IL32: variants seen among roughly 807,000 people sequenced by gnomAD.
The protein encoded by IL32 is interleukin-32.
Under a neutral mutation model 16.6 loss-of-function variants are expected in IL32, and 30 were observed. The observed-to-expected ratio is 1.81, with a 90% CI of 1.35 to 2.45. The LOEUF (loss-of-function observed/expected upper bound fraction) is 2.45. Among genes scored for constraint, IL32 ranks in the 30% most tolerant of loss-of-function variants. The pLI is 0.00. For synonymous variants in IL32, 70 were observed against 86.1 expected (o/e 0.81, Z 1.03); for missense variants, 234 against 229.8 (o/e 1.02, Z -0.12).
At position 3,069,416 on chromosome 16, in the gene IL32, G is replaced by A; in HGVS notation, c.*61G>A. 1 of 1,520,478 alleles carries A rather than the reference G, an allele frequency of 6.6e-7. No individual in the cohort carries two copies. Among genetic ancestry groups the A allele is most frequent in the Non-Finnish European group, 8.8e-7 (1 of 1,131,636 alleles). 94.2% of individuals were successfully genotyped at this position (1,520,478 alleles called of 1,614,324 possible). Reference sequence around the variant, plus strand: ...CGCACCCACCCTGACCCCTCCCTCAGCTGTCCTGTGCCCCGCCCTCTCCCG... The same window carrying A: ...CGCACCCACCCTGACCCCTCCCTCAACTGTCCTGTGCCCCGCCCTCTCCCG... On this transcript the variant is annotated 3_prime_UTR_variant, in exon 7 of 7. Transcript: ENST00000525643.
At chr16:3,066,890 T>G (rs1374378137) in intron 2 of IL32, among the ~76,000 whole-genome samples, 1 of 151,542 alleles carries the variant, frequency 6.6e-6, no homozygotes, top group Admixed American at 6.6e-5. Context: ...GGGGGGTGTG[T>G]GTGTGCAGGG....
In IL32 at chr16:3,065,767, C is replaced by G. The variant is rs373647835; in HGVS notation, c.-28-17C>G. ...CTGAGACACTTTCTTTTCCTCACACCTGTTCCTCGCCAGCAGGCCTTGGCT... is the reference window on the plus strand; with the variant it reads ...CTGAGACACTTTCTTTTCCTCACACGTGTTCCTCGCCAGCAGGCCTTGGCT... On this transcript the variant is annotated splice_polypyrimidine_tract_variant and intron_variant, in intron 1 of 6. Transcript: ENST00000525643. The G allele has an allele frequency of 3.1e-6, 5 of 1,613,664 alleles. No individual in the cohort carries two copies. The African/African-American group carries it at 6.7e-5, about 22-fold the overall frequency.
intron 4 of IL32, 77 bp downstream of exon 4, chr16:3,067,690 G>C: frequency 8.6e-7 from 1 of 1,163,250 alleles, no homozygotes; most frequent in Non-Finnish European, 1.3e-6. Flanking sequence ...GGCTCAGGGT[G>C]AGAAGGATGA....
rs372974931 is a variant in IL32 at position 3,067,628 on chromosome 16, C to A, written c.114+15C>A. The A allele has an allele frequency of 2.3e-5, 37 of 1,579,130 alleles. No homozygotes were observed. Among genetic ancestry groups the A allele is most frequent in the Non-Finnish European group, 2.9e-5 (33 of 1,151,634 alleles). On this transcript the variant is annotated intron_variant, in intron 4 of 6. Coordinates refer to ENST00000525643, the MANE Select transcript of IL32 (RefSeq NM_001376923.1). ...GACGTGGACAGGTGGGTGGATTTCCCCTCAGGCACCAGGTCACATGTCCCC... is the reference window on the plus strand; with the variant it reads ...GACGTGGACAGGTGGGTGGATTTCCACTCAGGCACCAGGTCACATGTCCCC...
intron 2 of IL32, 144 bp downstream of exon 2, chr16:3,065,970 G>C: frequency 2.0e-6 from 2 of 1,000,200 alleles, no homozygotes; most frequent in Non-Finnish European, 3.2e-6. Flanking sequence ...GATGGGGTGA[G>C]AGTGTCAGTG....
chr16:3,068,468 G>A, intron 6 of IL32: 1 of 547,638 alleles, frequency 1.8e-6, no homozygotes, highest in Non-Finnish European at 3.3e-6. Context: ...ACCACTCCAG[G>A]CTGATTTTTT....
In IL32 at chr16:3,068,005, CTGGAGGTGAGCCGTGG is replaced by C. The variant is rs752517251; in HGVS notation, c.137_141+11del. 1.1e-5 allele frequency: 18 copies of C among 1,614,126 alleles called. No homozygotes were observed. The East Asian group carries it at 3.8e-4, about 34-fold the overall frequency. On this transcript the variant is annotated splice_donor_variant and splice_donor_5th_base_variant and coding_sequence_variant and intron_variant, in exon 5 of 7. Transcript: ENST00000525643. LOFTEE classifies it high-confidence loss of function. ...ACAGGTGATGTCGAGCCTGGCAGAG[CTGGAGGTGAGCCGTGG>C]CCTCCCCCTCCACCAAGCTTAGTCC...
At chr16:3,067,963 C>T (rs1462385255) in intron 4 of IL32, 21 bp from the exon 5 acceptor site, 8 of 1,613,908 alleles carry the variant, frequency 5.0e-6, no homozygotes, top group East Asian at 2.2e-5. Flanking sequence ...GGCCTGGAAC[C>T]GAGTGCTTTG....
chr16:3,068,363 T>C, intron 6 of IL32, 124 bp downstream of exon 6: 1 of 885,436 alleles, frequency 1.1e-6, no homozygotes, highest in Non-Finnish European at 1.8e-6. Context: ...TGGAGTGCAG[T>C]GGCATGATCT....
chr16:3,068,408 T>A, intron 6 of IL32, 169 bp downstream of exon 6: 1 of 637,996 alleles, frequency 1.6e-6, no homozygotes, highest in Non-Finnish European at 2.7e-6. Context: ...CGGGTTTAAG[T>A]GATTCTCCTG....
Position 3,069,429 on chromosome 16 carries a change from C to T in IL32, c.*74C>T, listed in dbSNP as rs1261708646. 19 of 1,481,334 alleles carry T rather than the reference C, an allele frequency of 1.3e-5. No homozygotes were observed. Among genetic ancestry groups the T allele is most frequent in the Non-Finnish European group, 1.6e-5 (18 of 1,101,598 alleles). 91.8% of individuals were successfully genotyped at this position (1,481,334 alleles called of 1,614,324 possible). On this transcript the variant is annotated 3_prime_UTR_variant, in exon 7 of 7. Coordinates refer to ENST00000525643, the MANE Select transcript of IL32 (RefSeq NM_001376923.1). ...ACCCCTCCCTCAGCTGTCCTGTGCC[C>T]CGCCCTCTCCCGCACACTCAGTCCC...
At chr16:3,068,897 A>G in intron 6 of IL32, 93 bp from the exon 7 acceptor site, 1 of 1,577,296 alleles carries the variant, frequency 6.3e-7, no homozygotes, top group Non-Finnish European at 8.6e-7. Context: ...TCCGTCTCCC[A>G]GGGTCAGGAA....
At chr16:3,067,650 C>T (rs751594072) in intron 4 of IL32, 37 bp downstream of exon 4, 46 of 1,477,226 alleles carry the variant, frequency 3.1e-5, no homozygotes, top group African/African-American at 1.1e-4. Context: ...GGTCACATGT[C>T]CCCGCCCCCA....
At chr16:3,066,900 G>A (rs527486888) in intron 2 of IL32, among the ~76,000 whole-genome samples, 1 of 151,244 alleles carries the variant, frequency 6.6e-6, no homozygotes, top group Non-Finnish European at 1.5e-5. Flanking sequence ...TGTGTGCAGG[G>A]AGGACACCCC....
At chr16:3,066,114 C>T (rs531934291) in intron 2 of IL32, among the ~76,000 whole-genome samples, 20 of 152,290 alleles carry the variant, frequency 1.3e-4, no homozygotes, top group East Asian at 1.9e-4. Context: ...CTGCTGGAAA[C>T]GACTCGGAGA....
chr16:3,067,633 G>A lies in IL32; in HGVS notation c.114+20G>A, dbSNP rs761341059. The A allele has an allele frequency of 2.2e-5, 35 of 1,571,032 alleles. No homozygotes were observed. The highest frequency in any genetic ancestry group is 2.7e-5 in the Non-Finnish European group (31 of 1,144,866). On this transcript the variant is annotated intron_variant, in intron 4 of 6. Coordinates refer to ENST00000525643, the MANE Select transcript of IL32 (RefSeq NM_001376923.1). ...GGACAGGTGGGTGGATTTCCCCTCA[G>A]GCACCAGGTCACATGTCCCCGCCCC...
intron 2 of IL32, among the ~76,000 whole-genome samples, chr16:3,066,969 TCTTGTGAGGA>T (rs1567140545): frequency 3.3e-5 from 4 of 121,922 alleles, no homozygotes; most frequent in African/African-American, 1.2e-4. Flanking sequence ...CAGGCCCTGC[TCTTGTGAGGA>T]GGGGTCACCT....
At chr16:3,065,552 G>A (rs910910066), upstream of IL32, 11 of 589,566 alleles carry the variant, frequency 1.9e-5, no homozygotes, top group Admixed American at 3.0e-5. Flanking sequence ...TGTTTTTCAC[G>A]CACTCAGCAA....
At chr16:3,067,281 GT>G in intron 2 of IL32, 95 bp from the exon 3 acceptor site, 2 of 514,622 alleles carry the variant, frequency 3.9e-6, no homozygotes, top group Non-Finnish European at 3.4e-6. Context: ...CTGTGTGTGT[GT>G]GTGTGTGTGT....
Sources: allele counts gnomAD v4.1 joint callset (sites outside exome capture counted in the v4.1 genomes callset), GRCh38; gene constraint gnomAD v4.1.1; transcripts MANE v1.5; gene names NCBI Gene and HGNC (gene_info 2026-07-23, HGNC 2026-07-21).